The following FCER1A variants were observed in gnomAD, a reference collection of about 807,000 sequenced individuals.
FCER1A encodes high affinity immunoglobulin epsilon receptor subunit alpha.
FCER1A carries 24 observed loss-of-function variants against 23.6 expected under a neutral mutation model. The observed-to-expected ratio is 1.02, with a 90% CI of 0.74 to 1.43. The LOEUF is 1.43. Among genes scored for constraint, FCER1A ranks in the 40% most tolerant of loss-of-function variants. The pLI, the probability that FCER1A is intolerant of heterozygous loss-of-function variation, is 0.00. For missense variants in FCER1A, 318 were observed against 294.5 expected, an observed-to-expected ratio of 1.08 and a Z score of -0.58; for synonymous variants, 121 against 108.8, an observed-to-expected ratio of 1.11 and a Z score of -0.70.
chr1:159,304,444 A>G (rs781746581), intron 3 of FCER1A, among the ~76,000 whole-genome samples: 2 of 151,776 alleles, frequency 1.3e-5, no homozygotes, highest in African/African-American at 2.4e-5. Context: ...GCTAAAAAAT[A>G]TATATATATA....
At chr1:159,299,659 A>G (rs1449953631), upstream of FCER1A, among the ~76,000 whole-genome samples, 1 of 152,150 alleles carries the variant, frequency 6.6e-6, no homozygotes, top group Non-Finnish European at 1.5e-5. Context: ...AAATTTAGAC[A>G]CGCCCTATTG....
upstream of FCER1A, among the ~76,000 whole-genome samples, chr1:159,301,546 T>C (rs191262070): frequency 6.6e-6 from 1 of 152,344 alleles, no homozygotes; most frequent in African/African-American, 2.4e-5. Context: ...TCCTGTGTTC[T>C]GAGCCAGATT....
At chr1:159,291,609 C>G (rs1652155276) in intron 1 of FCER1A, among the ~76,000 whole-genome samples, 1 of 152,160 alleles carries the variant, frequency 6.6e-6, no homozygotes, top group African/African-American at 2.4e-5. Context: ...TTAACTTCTT[C>G]AATTATTTAA....
At chr1:159,307,425 A>T (rs1334597675) in intron 4 of FCER1A, among the ~76,000 whole-genome samples, 1 of 151,990 alleles carries the variant, frequency 6.6e-6, no homozygotes, top group Non-Finnish European at 1.5e-5. Context: ...TCCCCTTTCC[A>T]CCCCTTAATT....
At chr1:159,300,365 A>G (rs1365633461), upstream of FCER1A, among the ~76,000 whole-genome samples, 4 of 152,156 alleles carry the variant, frequency 2.6e-5, no homozygotes, top group South Asian at 8.3e-4. Flanking sequence ...GGAAAAAGGA[A>G]CCCAAATTTC....
intron 1 of FCER1A, among the ~76,000 whole-genome samples, chr1:159,291,841 A>G (rs924219696): frequency 4.6e-5 from 7 of 152,086 alleles, no homozygotes; most frequent in Non-Finnish European, 1.0e-4. Context: ...TTTTACACAT[A>G]TTACTCCACT....
At chr1:159,301,410 G>T (rs1652425638), upstream of FCER1A, among the ~76,000 whole-genome samples, 1 of 152,136 alleles carries the variant, frequency 6.6e-6, no homozygotes, top group African/African-American at 2.4e-5. Flanking sequence ...CCCCTGCTGT[G>T]TATTTAAAGG....
chr1:159,291,801 A>G (rs1652159719), intron 1 of FCER1A, among the ~76,000 whole-genome samples: 1 of 152,028 alleles, frequency 6.6e-6, no homozygotes, highest in Admixed American at 6.6e-5. Context: ...CTCAATTCCT[A>G]TTCACTTTTT....
intron 4 of FCER1A, among the ~76,000 whole-genome samples, chr1:159,306,560 T>C (rs1652622876): frequency 6.6e-6 from 1 of 152,194 alleles, no homozygotes; most frequent in Non-Finnish European, 1.5e-5. Flanking sequence ...ACTATTTTGA[T>C]CTCAAAGTCA....
chr1:159,298,869 C>T (rs1366186460), upstream of FCER1A, among the ~76,000 whole-genome samples: 1 of 152,122 alleles, frequency 6.6e-6, no homozygotes, highest in Non-Finnish European at 1.5e-5. Flanking sequence ...GTTATGGAAC[C>T]CTTGAATCCA....
upstream of FCER1A, among the ~76,000 whole-genome samples, chr1:159,288,494 G>A (rs1214137234): frequency 6.6e-6 from 1 of 152,158 alleles, no homozygotes; most frequent in Non-Finnish European, 1.5e-5. Context: ...TACTGGATGT[G>A]GTCATTTAGT....
At position 159,302,746 on chromosome 1, in the gene FCER1A, G is replaced by T. The variant is rs531574535; in HGVS notation, c.56-108G>T. 14 of 982,570 alleles carry T rather than the reference G, an allele frequency of 1.4e-5. No individual in the cohort carries two copies. The Admixed American group carries it at 2.5e-4, about 17-fold the overall frequency. 60.9% of individuals were successfully genotyped at this position (982,570 alleles called of 1,614,324 possible). ...ATTCTGATTCCTGAAAAGACGGTTG[G>T]TCCTTAAAATTCCATGGATGTAGAT... is the stretch of plus-strand genomic sequence containing the variant. On this transcript the variant is annotated intron_variant, in intron 1 of 4. Coordinates refer to ENST00000693622, the MANE Select transcript of FCER1A (RefSeq NM_001387280.1).
chr1:159,300,385 A>C (rs1184068059), upstream of FCER1A, among the ~76,000 whole-genome samples: 3 of 152,140 alleles, frequency 2.0e-5, no homozygotes, highest in Non-Finnish European at 2.9e-5. Flanking sequence ...CCCCTGGCAA[A>C]GTCTCAACAA....
At chr1:159,304,234 T>C (rs1652530856) in intron 3 of FCER1A, 52 bp downstream of exon 3, 2 of 1,564,732 alleles carry the variant, frequency 1.3e-6, no homozygotes, top group African/African-American at 1.4e-5. Flanking sequence ...GGATGGCTCA[T>C]CTGAAGATGG....
At chr1:159,290,179 G>T (rs532229975) in intron 1 of FCER1A, among the ~76,000 whole-genome samples, 1 of 152,000 alleles carries the variant, frequency 6.6e-6, no homozygotes, top group Non-Finnish European at 1.5e-5. Flanking sequence ...ATTGCAGGCC[G>T]CCCACTCCAG....
chr1:159,302,719 TGA>T, intron 1 of FCER1A, 133 bp from the exon 2 acceptor site: 1 of 829,016 alleles, frequency 1.2e-6, no homozygotes. Context: ...TTTCTTCCCC[TGA>T]TTCTGATTCC....
chr1:159,305,129 A>T (rs1485608066), intron 3 of FCER1A, among the ~76,000 whole-genome samples: 4 of 152,194 alleles, frequency 2.6e-5, no homozygotes, highest in African/African-American at 7.2e-5. Context: ...AGTGAAAAAA[A>T]ATGTTTCAAC....
upstream of FCER1A, among the ~76,000 whole-genome samples, chr1:159,297,725 A>G (rs1352403514): frequency 6.6e-6 from 1 of 152,100 alleles, no homozygotes. Flanking sequence ...TTTAATTTTT[A>G]AAAATTTAGT....
At position 159,308,015 on chromosome 1, in the gene FCER1A, A is replaced by G. The variant is rs898522031; in HGVS notation, c.*83A>G. The G allele has an allele frequency of 3.1e-6, 3 of 978,732 alleles. No individual in the cohort carries two copies. Among genetic ancestry groups the G allele is most frequent in the Non-Finnish European group, 4.5e-6 (3 of 661,748 alleles). The allele number at this position is 978,732 out of a possible 1,614,324, so 60.6% of individuals were successfully genotyped here. ...ACTCAATTGTCAAACACAGCTTGCAATATACATAGAAACGTCTGTGCTCAA... is the reference window on the plus strand; with the variant it reads ...ACTCAATTGTCAAACACAGCTTGCAGTATACATAGAAACGTCTGTGCTCAA... On this transcript the variant is annotated 3_prime_UTR_variant, in exon 5 of 5. Transcript: ENST00000693622.
Sources: gnomAD v4.1 joint callset for allele counts (sites outside exome capture counted in the v4.1 genomes callset) on GRCh38, gnomAD v4.1.1 for gene constraint, MANE v1.5 for transcripts, NCBI Gene and HGNC (gene_info 2026-07-23, HGNC 2026-07-21) for gene names.